The following CAVIN1 variants were observed in gnomAD, a reference collection of about 807,000 sequenced individuals.
CAVIN1 encodes caveolae-associated protein 1.
Under a neutral mutation model 24.0 loss-of-function variants are expected in CAVIN1, and 16 were observed. The observed-to-expected ratio is 0.67, with a 90% CI of 0.45 to 1.01. The LOEUF is 1.01. CAVIN1 is among the 50% of genes least tolerant of loss of function. CAVIN1 has a pLI of 0.00. For missense variants in CAVIN1, 510 were observed against 551.7 expected, an observed-to-expected ratio of 0.92 and a Z score of 0.76; for synonymous variants, 256 against 256.4, an observed-to-expected ratio of 1.00 and a Z score of 0.02.
intron 1 of CAVIN1, among the ~76,000 whole-genome samples, chr17:42,416,339 G>A (rs184488145): frequency 4.1e-3 from 616 of 151,348 alleles, no homozygotes; most frequent in Non-Finnish European, 6.2e-3. Flanking sequence ...CTGCACTCCG[G>A]CCTGGGTGAC....
At chr17:42,418,431 A>C (rs959072261) in intron 1 of CAVIN1, among the ~76,000 whole-genome samples, 1 of 151,934 alleles carries the variant, frequency 6.6e-6, no homozygotes, top group Non-Finnish European at 1.5e-5. Flanking sequence ...GGGTTTCTCC[A>C]TGTTGGTCAG....
chr17:42,422,766 A>G lies in CAVIN1; in HGVS notation c.332T>C (p.Leu111Pro). The G allele has an allele frequency of 6.2e-7, 1 of 1,613,270 alleles. No homozygotes were observed. The highest frequency in any genetic ancestry group is 8.5e-7 in the Non-Finnish European group (1 of 1,179,718). Residue 111 changes from leucine to proline, a missense_variant, in exon 1 of 2, where the codon CTG becomes CCG. Coordinates refer to ENST00000357037, the MANE Select transcript of CAVIN1 (RefSeq NM_012232.6). Reference protein sequence around the residue: ...ATTSNTVSKLLEKVRKVSVNV... With the variant: ...ATTSNTVSKLPEKVRKVSVNV... ...GACGCTGACCTTGCGCACCTTCTCCAGCAGCTTGCTCACCGTATTGCTCGT... is the reference window on the plus strand; with the variant it reads ...GACGCTGACCTTGCGCACCTTCTCCGGCAGCTTGCTCACCGTATTGCTCGT...
chr17:42,422,040 C>T (rs1282345869), intron 1 of CAVIN1, among the ~76,000 whole-genome samples: 2 of 152,138 alleles, frequency 1.3e-5, no homozygotes, highest in African/African-American at 4.8e-5. Flanking sequence ...GCCGCCGAGG[C>T]CGATGTGGGG....
intron 1 of CAVIN1, among the ~76,000 whole-genome samples, chr17:42,416,656 G>A (rs1168614145): frequency 2.0e-5 from 3 of 147,598 alleles, no homozygotes; most frequent in South Asian, 2.1e-4. Context: ...ATTTCCTTTC[G>A]TCTTGGGAAT....
At chr17:42,406,711 A>T (rs557274276) in intron 1 of CAVIN1, among the ~76,000 whole-genome samples, 2 of 152,146 alleles carry the variant, frequency 1.3e-5, no homozygotes, top group Admixed American at 1.3e-4. Flanking sequence ...AGAGATGGAG[A>T]ACTGTGGTCC....
chr17:42,405,431 C>A, intron 1 of CAVIN1, 43 bp from the exon 2 acceptor site: 1 of 1,586,778 alleles, frequency 6.3e-7, no homozygotes, highest in African/African-American at 1.3e-5. Flanking sequence ...TCGGAGGAGG[C>A]GGATGTGGGC....
rs61729285 is a variant in CAVIN1, at chr17:42,423,033, G to A, written c.65C>T (p.Pro22Leu). The A allele has an allele frequency of 2.0e-4, 322 of 1,611,430 alleles. 1 individual carries two copies. In the African/African-American group the frequency reaches 2.9e-3, roughly 14 times the overall value. ...PLPGYPDAEA[P>L]EPSSAGAQAA... ...CTGAGCCCCAGCGGAGGAAGGCTCC[G>A]GGGCCTCGGCGTCGGGGTACCCGGG... Residue 22 changes from proline to leucine, a missense_variant, in exon 1 of 2, where the codon CCG (proline) becomes CTG (leucine). By Grantham distance (98) the Pro-to-Leu change is moderately conservative. Transcript: ENST00000357037.
chr17:42,414,101 A>G (rs955038854), intron 1 of CAVIN1, among the ~76,000 whole-genome samples: 1 of 152,050 alleles, frequency 6.6e-6, no homozygotes, highest in African/African-American at 2.4e-5. Flanking sequence ...GAGTTTCGCC[A>G]TGTTGGCCAG....
At chr17:42,417,576 G>A (rs2085519771) in intron 1 of CAVIN1, among the ~76,000 whole-genome samples, 1 of 152,074 alleles carries the variant, frequency 6.6e-6, no homozygotes, top group Non-Finnish European at 1.5e-5. Context: ...GATTGCTGGT[G>A]TAAACAAGCC....
chr17:42,422,957 G>A lies in CAVIN1; in HGVS notation c.141C>T (p.Asp47=). The change falls in exon 1 of 2, where the codon GAC becomes GAT. Residue 47 remains aspartate (D), a synonymous_variant. Transcript: ENST00000357037. ...TCAGCACCAGCACGCCGTTCACCTG[G>A]TCCGACTTGATCAGCTCTTCTGAGC... ...GAGSEELIKS[D]QVNGVLVLSL... 1 of 1,613,988 alleles carries A rather than the reference G, an allele frequency of 6.2e-7. No individual in the cohort carries two copies. The highest frequency in any genetic ancestry group is 2.2e-5 in the East Asian group (1 of 44,872).
intron 1 of CAVIN1, among the ~76,000 whole-genome samples, chr17:42,411,192 C>CAATAAAAAAAA (rs2085474451): frequency 2.1e-5 from 1 of 46,640 alleles, no homozygotes; most frequent in African/African-American, 7.5e-5. Context: ...GACTATGTCT[C>CAATAAAAAAAA]AAAAAAAAAA....
chr17:42,411,189 T>C (rs1378099237), intron 1 of CAVIN1, among the ~76,000 whole-genome samples: 1 of 5,222 alleles, frequency 1.9e-4, no homozygotes, highest in South Asian at 0.056. Flanking sequence ...TAGGACTATG[T>C]CTCAAAAAAA....
chr17:42,404,759 G>C lies in CAVIN1; in HGVS notation c.1101C>G (p.Pro367=), dbSNP rs1225721187. 7 of 1,561,438 alleles carry C rather than the reference G, an allele frequency of 4.5e-6. No individual in the cohort carries two copies. In the Admixed American group the frequency reaches 8.0e-5, roughly 18 times the overall value. The change falls in exon 2 of 2, where the codon CCC becomes CCG. Residue 367 remains proline (P), a synonymous_variant. Transcript: ENST00000357037. ...EAGDLRRGSS[P]DVHALLEITE... ...TGATCTCCAGCAGCGCGTGCACGTC[G>C]GGGCTGCTCCCGCGCCGCAGGTCGC... is the stretch of plus-strand genomic sequence containing the variant.
At chr17:42,408,132 C>T (rs1396495585) in intron 1 of CAVIN1, among the ~76,000 whole-genome samples, 15 of 152,204 alleles carry the variant, frequency 9.9e-5, no homozygotes, top group Admixed American at 7.2e-4. Context: ...TTTCACTAAA[C>T]TCAGACAATG....
At chr17:42,414,148 A>G (rs2085498227) in intron 1 of CAVIN1, among the ~76,000 whole-genome samples, 1 of 151,928 alleles carries the variant, frequency 6.6e-6, no homozygotes, top group Non-Finnish European at 1.5e-5. Context: ...TGGTCCACCC[A>G]CCTCAGCCTC....
chr17:42,418,192 C>T (rs1269084681), intron 1 of CAVIN1, among the ~76,000 whole-genome samples: 1 of 149,628 alleles, frequency 6.7e-6, no homozygotes, highest in African/African-American at 2.5e-5. Flanking sequence ...TTTCTCTGAA[C>T]ATATCCCAGT....
At position 42,422,665 on chromosome 17, in the gene CAVIN1, G is replaced by C. The variant is rs926769233; in HGVS notation, c.433C>G (p.Leu145Val). Residue 145 changes from leucine to valine, a missense_variant, in exon 1 of 2, where the codon CTG becomes GTG. By Grantham distance (32) the Leu-to-Val change is conservative. Coordinates refer to ENST00000357037, the MANE Select transcript of CAVIN1 (RefSeq NM_012232.6). ...IKKLEVNEAE[L>V]LRRRNFKVMI... Reference sequence around the variant, plus strand: ...ACTTTAAAGTTGCGGCGCCGCAGCAGCTCGGCCTCGTTGACCTCCAGCTTC... The same window carrying C: ...ACTTTAAAGTTGCGGCGCCGCAGCACCTCGGCCTCGTTGACCTCCAGCTTC... 1.2e-6 allele frequency: 2 copies of C among 1,600,952 alleles called. No homozygotes were observed. Among genetic ancestry groups the C allele is most frequent in the Admixed American group, 1.7e-5 (1 of 58,076 alleles).
At chr17:42,411,129 G>T (rs1258272403) in intron 1 of CAVIN1, among the ~76,000 whole-genome samples, 2 of 136,128 alleles carry the variant, frequency 1.5e-5, no homozygotes, top group Admixed American at 8.5e-5. Flanking sequence ...GGAGGTGGAG[G>T]TTGTAGTTAG....
chr17:42,404,811 T>G lies in CAVIN1; in HGVS notation c.1049A>C (p.Glu350Ala). 2 of 1,611,082 alleles carry G rather than the reference T, an allele frequency of 1.2e-6. No homozygotes were observed. Among genetic ancestry groups the G allele is most frequent in the African/African-American group, 1.3e-5 (1 of 74,772 alleles). Residue 350 changes from glutamate to alanine, a missense_variant, in exon 2 of 2, where the codon GAG becomes GCG. By Grantham distance (107) the Glu-to-Ala change is moderately radical. Coordinates refer to ENST00000357037, the MANE Select transcript of CAVIN1 (RefSeq NM_012232.6). ...GGCCTCCCCGCGCTCCGCGCCGCCC[T>G]CGTCGTCGTCGGCGCCCACCTCCAC... ...EMVEVGADDD[E>A]GGAERGEAGD...
Sources: allele counts gnomAD v4.1 joint callset (sites outside exome capture counted in the v4.1 genomes callset), GRCh38; gene constraint gnomAD v4.1.1; transcripts MANE v1.5; gene names NCBI Gene and HGNC (gene_info 2026-07-23, HGNC 2026-07-21).